PPP1R9A: variants seen among roughly 807,000 people sequenced by gnomAD.
PPP1R9A encodes the protein protein phosphatase 1 regulatory subunit 9A.
Under a neutral mutation model 141.9 loss-of-function variants are expected in PPP1R9A, and 59 were observed. The ratio of observed to expected loss-of-function variants is 0.42; its 90% CI spans 0.34 to 0.52. The LOEUF is 0.52. Among genes scored for constraint, PPP1R9A ranks in the 20% least tolerant of loss-of-function variants. The probability of loss-of-function intolerance (pLI) is 0.10; values close to 1 mark genes in which losing one functional copy is unlikely to be tolerated. For missense variants in PPP1R9A, 1,444 were observed against 1,611.9 expected (o/e 0.90, Z 1.78); for synonymous variants, 500 against 569.7 (o/e 0.88, Z 1.74).
intron 2 of PPP1R9A, among the ~76,000 whole-genome samples, chr7:95,079,786 T>C (rs1461764922): frequency 6.6e-6 from 1 of 152,182 alleles, no homozygotes; most frequent in Non-Finnish European, 1.5e-5. Context: ...TGGTTCAATA[T>C]ATGCAAATCA....
Position 95,247,656 on chromosome 7 carries a change from A to G in PPP1R9A, c.2166+130A>G. The G allele has an allele frequency of 4.2e-6, 3 of 714,582 alleles. 1 individual carries two copies. In the South Asian group the frequency reaches 7.0e-5, roughly 17 times the overall value. The allele number at this position is 714,582 out of a possible 1,614,324, so 44.3% of individuals were successfully genotyped here. A position where few individuals can be genotyped will look rare whatever the true frequency, so the allele number is the denominator to read the frequency against. Reference sequence around the variant, plus strand: ...ATGCAAATGTGATAGATTCATTTTCACTGTCAGGTACGTAGACAAACCTGC... The same window carrying G: ...ATGCAAATGTGATAGATTCATTTTCGCTGTCAGGTACGTAGACAAACCTGC... On this transcript the variant is annotated intron_variant, in intron 9 of 19. Transcript: ENST00000433360.
At chr7:94,968,838 C>G (rs778379833) in intron 2 of PPP1R9A, among the ~76,000 whole-genome samples, 1 of 151,878 alleles carries the variant, frequency 6.6e-6, no homozygotes, top group Non-Finnish European at 1.5e-5. Flanking sequence ...TTTGTTTGTT[C>G]CTTTTGATTC....
chr7:94,974,060 T>C (rs1799162115), intron 2 of PPP1R9A, among the ~76,000 whole-genome samples: 1 of 152,006 alleles, frequency 6.6e-6, no homozygotes, highest in South Asian at 2.1e-4. Context: ...ATTTAGGAAA[T>C]TGATTGTGGT....
chr7:95,105,351 C>G (rs971847948), intron 2 of PPP1R9A, among the ~76,000 whole-genome samples: 4 of 152,138 alleles, frequency 2.6e-5, no homozygotes, highest in African/African-American at 9.7e-5. Context: ...GTTGTTCGTT[C>G]AGAAATGTCC....
chr7:95,037,056 C>T (rs914821097), intron 2 of PPP1R9A: 1 of 152,036 alleles, frequency 6.6e-6, no homozygotes, highest in African/African-American at 2.4e-5. Flanking sequence ...TTTTCTATCC[C>T]ATAGAGATAC....
chr7:95,091,718 C>T (rs902608177), intron 2 of PPP1R9A, among the ~76,000 whole-genome samples: 2 of 151,762 alleles, frequency 1.3e-5, no homozygotes, highest in Non-Finnish European at 2.9e-5. Flanking sequence ...GTTTGAATCT[C>T]TACCCCCTTC....
intron 2 of PPP1R9A, among the ~76,000 whole-genome samples, chr7:95,003,238 A>G (rs1322639697): frequency 2.0e-5 from 3 of 152,172 alleles, no homozygotes; most frequent in African/African-American, 7.2e-5. Flanking sequence ...ATTCAAGCCT[A>G]TTAGGAAAAA....
intron 3 of PPP1R9A, among the ~76,000 whole-genome samples, chr7:95,114,891 CAA>C (rs200443706): frequency 0.012 from 1,329 of 112,352 alleles, 16 homozygotes; most frequent in African/African-American, 0.035. Context: ...AAGTCCGTCT[CAA>C]AAAAAAAAAA....
At chr7:95,241,657 G>A (rs1797483702) in intron 8 of PPP1R9A, among the ~76,000 whole-genome samples, 1 of 151,998 alleles carries the variant, frequency 6.6e-6, no homozygotes, top group South Asian at 2.1e-4. Flanking sequence ...AGGAGTCACA[G>A]CAATTGCAAC....
rs1791297533 is a variant in PPP1R9A at position 94,910,219 on chromosome 7, A to G, written c.106A>G (p.Lys36Glu). ...EFQALKSTFDKPKSDGEQKTK... is the reference protein window; with the variant it reads ...EFQALKSTFDEPKSDGEQKTK... Reference sequence around the variant, plus strand: ...TCAGGCACTGAAAAGTACCTTTGACAAACCCAAGTCAGATGGGGAACAAAA... The same window carrying G: ...TCAGGCACTGAAAAGTACCTTTGACGAACCCAAGTCAGATGGGGAACAAAA... The change falls in exon 2 of 20, where the codon AAA becomes GAA. Residue 36 changes from lysine to glutamate, a missense_variant. Physicochemically the swap from Lys to Glu is moderately conservative, Grantham distance 56 (BLOSUM62 1). Around this residue, in one of 5 missense-constraint regions of PPP1R9A, gnomAD observed 490 missense variants for 521.1 expected, o/e 0.94. Transcript: ENST00000433360. This position sits in a 1 kb window ranked among gnomAD's most constrained non-coding sequence, Gnocchi z 4.5. 3 of 1,614,146 alleles carry G rather than the reference A, an allele frequency of 1.9e-6. No homozygotes were observed. Among genetic ancestry groups the G allele is most frequent in the Non-Finnish European group, 2.5e-6 (3 of 1,180,026 alleles).
At position 94,967,375 on chromosome 7, in the gene PPP1R9A, T is replaced by C. The variant is rs184585512; in HGVS notation, c.1395+55867T>C. 3.7e-3 allele frequency among the ~76,000 whole-genome samples: 556 copies of C among 152,270 alleles called. 3 individuals are homozygous for C. The highest frequency in any genetic ancestry group is 0.013 in the African/African-American group (521 of 41,558). On this transcript the variant is annotated intron_variant, in intron 2 of 19. Coordinates refer to ENST00000433360, the MANE Select transcript of PPP1R9A (RefSeq NM_001166160.2). ...TCTGCTAGCTTTTGAATTTGTTTGC[T>C]CTTGCTTCTCTAGTTCTTTTAATTG...
intron 2 of PPP1R9A, among the ~76,000 whole-genome samples, chr7:95,099,208 T>A (rs930449535): frequency 4.6e-5 from 7 of 152,058 alleles, no homozygotes; most frequent in Non-Finnish European, 8.8e-5. Context: ...TGTAAAAGAG[T>A]GTTTACTTCT....
chr7:95,287,459 G>A (rs552438335), intron 18 of PPP1R9A, among the ~76,000 whole-genome samples: 5 of 151,974 alleles, frequency 3.3e-5, no homozygotes, highest in Non-Finnish European at 7.4e-5. Flanking sequence ...TTCCCTGTGT[G>A]GGTCACCAAG....
chr7:95,241,104 G>C (rs1398172843), intron 8 of PPP1R9A, among the ~76,000 whole-genome samples: 3 of 152,064 alleles, frequency 2.0e-5, no homozygotes, highest in Non-Finnish European at 4.4e-5. Context: ...ATACTCCCAA[G>C]TATTGCCACA....
At chr7:94,956,020 G>C (rs551190453) in intron 2 of PPP1R9A, among the ~76,000 whole-genome samples, 1 of 152,210 alleles carries the variant, frequency 6.6e-6, no homozygotes, top group Non-Finnish European at 1.5e-5. Context: ...TGACAGTGTT[G>C]CTCACTCTGT....
chr7:94,919,071 C>T (rs1307785447), intron 2 of PPP1R9A, among the ~76,000 whole-genome samples: 1 of 152,184 alleles, frequency 6.6e-6, no homozygotes, highest in East Asian at 1.9e-4. Context: ...CACCGCACTT[C>T]TCTTAATGTA....
At chr7:95,113,250 G>A (rs1045069473) in intron 3 of PPP1R9A, among the ~76,000 whole-genome samples, 1 of 151,824 alleles carries the variant, frequency 6.6e-6, no homozygotes, top group African/African-American at 2.4e-5. Flanking sequence ...AAATGACAGA[G>A]CAAAAATCCA....
At chr7:95,035,131 A>T (rs1448881801) in intron 2 of PPP1R9A, among the ~76,000 whole-genome samples, 1 of 152,176 alleles carries the variant, frequency 6.6e-6, no homozygotes, top group Non-Finnish European at 1.5e-5. Flanking sequence ...AAGACTAATT[A>T]ATATTCAGTT....
intron 19 of PPP1R9A, 87 bp from the exon 20 acceptor site, chr7:95,290,004 T>C: frequency 6.5e-7 from 1 of 1,543,984 alleles, no homozygotes; most frequent in Non-Finnish European, 8.7e-7. Flanking sequence ...TTTGAATTAG[T>C]TTACGAACTT....
Sources: gnomAD v4.1 joint callset for allele counts (sites outside exome capture counted in the v4.1 genomes callset) on GRCh38, gnomAD v4.1.1 for gene constraint, gnomAD v4.1.1 regional missense constraint, Gnocchi (gnomAD v3.1) non-coding constraint, MANE v1.5 for transcripts, NCBI Gene and HGNC (gene_info 2026-07-23, HGNC 2026-07-21) for gene names.